Variants in VWC2L observed in about 807,000 individuals in gnomAD.
VWC2L encodes the protein von Willebrand factor C domain-containing protein 2-like.
Under a neutral mutation model 21.6 loss-of-function variants are expected in VWC2L, and 10 were observed. That is an observed-to-expected ratio of 0.46 (90% CI 0.29 to 0.78). VWC2L has a LOEUF of 0.78. VWC2L is among the 30% of genes least tolerant of loss of function. The pLI is 0.10. For missense variants in VWC2L, 209 were observed against 277.1 expected, an observed-to-expected ratio of 0.75 and a Z score of 1.74; for synonymous variants, 96 against 94.3, an observed-to-expected ratio of 1.02 and a Z score of -0.10.
intron 3 of VWC2L, among the ~76,000 whole-genome samples, chr2:214,472,988 T>C (rs1703331838): frequency 6.6e-6 from 1 of 152,216 alleles, no homozygotes; most frequent in Non-Finnish European, 1.5e-5. Context: ...CCTCCAACAA[T>C]AGCTTAAAGA....
intron 3 of VWC2L, among the ~76,000 whole-genome samples, chr2:214,468,373 T>A (rs538439389): frequency 6.6e-6 from 1 of 152,318 alleles, no homozygotes; most frequent in African/African-American, 2.4e-5. Context: ...GTTAAAAATG[T>A]GAAATGCTGT....
chr2:214,569,193 T>G (rs1363068553), intron 3 of VWC2L, among the ~76,000 whole-genome samples: 1 of 152,216 alleles, frequency 6.6e-6, no homozygotes, highest in East Asian at 1.9e-4. Context: ...GCTCTAGTCT[T>G]TGTCTGCAAT....
intron 3 of VWC2L, among the ~76,000 whole-genome samples, chr2:214,499,994 G>T (rs1268753045): frequency 6.6e-6 from 1 of 152,206 alleles, no homozygotes; most frequent in East Asian, 1.9e-4. Context: ...CTGAGCTGTG[G>T]ATCTTTGAGT....
intron 3 of VWC2L, among the ~76,000 whole-genome samples, chr2:214,486,651 T>C (rs1422326332): frequency 6.6e-6 from 1 of 152,172 alleles, no homozygotes; most frequent in Admixed American, 6.5e-5. Context: ...TCTAAGAATG[T>C]TGCCCGTACA....
intron 3 of VWC2L, among the ~76,000 whole-genome samples, chr2:214,456,153 A>C (rs1348445384): frequency 6.6e-6 from 1 of 152,160 alleles, no homozygotes; most frequent in Non-Finnish European, 1.5e-5. Context: ...TTACAGTCCC[A>C]TTAACAGTGT....
intron 3 of VWC2L, among the ~76,000 whole-genome samples, chr2:214,499,681 A>G (rs1688864666): frequency 6.6e-6 from 1 of 152,258 alleles, no homozygotes; most frequent in Non-Finnish European, 1.5e-5. Flanking sequence ...GAAGTTTAAC[A>G]GTCTATTTGA....
chr2:214,524,638 G>A lies in VWC2L; in HGVS notation c.521-51034G>A, dbSNP rs138731873. On this transcript the variant is annotated intron_variant, in intron 3 of 3. Transcript: ENST00000312504. Reference sequence around the variant, plus strand: ...GTGCTGAGGATACAGTGGCAAGTGAGAGCCACATGGTCCCTGCCTGAACCT... The same window carrying A: ...GTGCTGAGGATACAGTGGCAAGTGAAAGCCACATGGTCCCTGCCTGAACCT... Among the ~76,000 whole-genome samples the A allele has an allele frequency of 1.9e-4, 29 of 152,300 alleles. No individual in the cohort carries two copies. The East Asian group carries it at 5.6e-3, about 29-fold the overall frequency.
chr2:214,416,022 AAGT>A (rs1340791126), intron 2 of VWC2L, among the ~76,000 whole-genome samples: 1 of 152,112 alleles, frequency 6.6e-6, no homozygotes, highest in Non-Finnish European at 1.5e-5. Context: ...TAATGGAAGT[AAGT>A]AGAAGTACTC....
chr2:214,545,793 C>T (rs900601201), intron 3 of VWC2L, among the ~76,000 whole-genome samples: 1 of 152,140 alleles, frequency 6.6e-6, no homozygotes, highest in African/African-American at 2.4e-5. Flanking sequence ...AATCTGGCCA[C>T]AGAGGCAACC....
chr2:214,414,748 C>A, intron 2 of VWC2L, 165 bp downstream of exon 2: 1 of 737,924 alleles, frequency 1.4e-6, no homozygotes, highest in Non-Finnish European at 2.1e-6. Flanking sequence ...CAACAAATGG[C>A]CAACTGGTTT....
intron 3 of VWC2L, among the ~76,000 whole-genome samples, chr2:214,530,372 T>C (rs1179047122): frequency 6.6e-6 from 1 of 152,202 alleles, no homozygotes; most frequent in East Asian, 1.9e-4. Context: ...CAATGACGAC[T>C]AGTAGCAAAG....
At chr2:214,501,647 G>A (rs543942732) in intron 3 of VWC2L, among the ~76,000 whole-genome samples, 9 of 151,182 alleles carry the variant, frequency 6.0e-5, no homozygotes, top group African/African-American at 2.2e-4. Flanking sequence ...ACTTGAACCT[G>A]GAAGGCGGAG....
chr2:214,455,337 G>A (rs1418312180), intron 3 of VWC2L, among the ~76,000 whole-genome samples: 2 of 152,020 alleles, frequency 1.3e-5, no homozygotes, highest in Non-Finnish European at 2.9e-5. Flanking sequence ...TGGATTTATG[G>A]TCATAAAGTT....
intron 2 of VWC2L, among the ~76,000 whole-genome samples, chr2:214,418,671 T>C (rs569839028): frequency 6.6e-6 from 1 of 152,300 alleles, no homozygotes; most frequent in African/African-American, 2.4e-5. Context: ...TTTTGATGAA[T>C]AGCATACCAG....
chr2:214,523,910 C>A lies in VWC2L; in HGVS notation c.521-51762C>A, dbSNP rs569247994. On this transcript the variant is annotated intron_variant, in intron 3 of 3. Transcript: ENST00000312504. ...CCTGACAAATATTCTGCTTTTAGTG[C>A]TTAATTTAATGCTTAAATTTACTGT... Among the ~76,000 whole-genome samples the A allele has an allele frequency of 3.9e-5, 6 of 152,192 alleles. No homozygotes were observed. In the South Asian group the frequency reaches 1.2e-3, roughly 32 times the overall value.
At chr2:214,574,099 G>A (rs147453876) in intron 3 of VWC2L, among the ~76,000 whole-genome samples, 4 of 152,226 alleles carry the variant, frequency 2.6e-5, no homozygotes, top group East Asian at 1.9e-4. Flanking sequence ...CCAAGATTGC[G>A]CCACTGCACT....
intron 2 of VWC2L, among the ~76,000 whole-genome samples, chr2:214,420,461 T>C (rs1702422392): frequency 6.6e-6 from 1 of 152,150 alleles, no homozygotes; most frequent in Non-Finnish European, 1.5e-5. Flanking sequence ...CACAGCACAA[T>C]TCACTGCCCC....
intron 3 of VWC2L, among the ~76,000 whole-genome samples, chr2:214,561,132 G>A (rs945821266): frequency 6.6e-6 from 1 of 152,182 alleles, no homozygotes; most frequent in Non-Finnish European, 1.5e-5. Flanking sequence ...TTTGTTAAAA[G>A]ACAGATTGCT....
intron 3 of VWC2L, among the ~76,000 whole-genome samples, chr2:214,557,182 G>C (rs1359331555): frequency 6.6e-6 from 1 of 152,112 alleles, no homozygotes; most frequent in Non-Finnish European, 1.5e-5. Flanking sequence ...AGAAAAAGAG[G>C]TTTGATGGAC....
Sources: gnomAD v4.1 joint callset for allele counts (sites outside exome capture counted in the v4.1 genomes callset) on GRCh38, gnomAD v4.1.1 for gene constraint, MANE v1.5 for transcripts, NCBI Gene and HGNC (gene_info 2026-07-23, HGNC 2026-07-21) for gene names.